CRPPA: variants seen among roughly 807,000 people sequenced by gnomAD.
CRPPA encodes D-ribitol-5-phosphate cytidylyltransferase.
In CRPPA, 43 loss-of-function variants were observed where a neutral mutation model predicts 52.0. The observed-to-expected ratio is 0.83, with a 90% CI of 0.65 to 1.07. The LOEUF is 1.07. Ranked by LOEUF, CRPPA falls within the 50% of genes least tolerant of loss-of-function variation. The pLI, the probability that CRPPA is intolerant of heterozygous loss-of-function variation, is 0.00. For synonymous variants in CRPPA, 250 were observed against 203.5 expected (o/e 1.23, Z -1.94); for missense variants, 629 against 551.7 (o/e 1.14, Z -1.40).
intron 5 of CRPPA, among the ~76,000 whole-genome samples, chr7:16,278,852 G>C (rs1007852837): frequency 6.6e-6 from 1 of 152,144 alleles, no homozygotes; most frequent in Non-Finnish European, 1.5e-5. Context: ...GGAAACCCTG[G>C]ATGCATTCTT....
At chr7:16,342,991 G>A (rs1174499964) in intron 3 of CRPPA, among the ~76,000 whole-genome samples, 1 of 151,286 alleles carries the variant, frequency 6.6e-6, no homozygotes, top group East Asian at 1.9e-4. Flanking sequence ...AGTAAGCCAA[G>A]ATGATGCCAC....
chr7:16,394,671 T>C (rs1408134562), intron 2 of CRPPA, among the ~76,000 whole-genome samples: 1 of 152,170 alleles, frequency 6.6e-6, no homozygotes, highest in African/African-American at 2.4e-5. Context: ...AAACCATCCA[T>C]ATTTCAGATA....
chr7:16,176,885 T>C (rs537218222), intron 9 of CRPPA, among the ~76,000 whole-genome samples: 1 of 152,322 alleles, frequency 6.6e-6, no homozygotes, highest in East Asian at 1.9e-4. Context: ...GTATTATTTA[T>C]AGTCACAAAA....
intron 3 of CRPPA, among the ~76,000 whole-genome samples, chr7:16,346,429 A>G: frequency 6.6e-6 from 1 of 152,166 alleles, no homozygotes; most frequent in Non-Finnish European, 1.5e-5. Context: ...TGAGAAAAAG[A>G]TGCGGTCAGT....
intron 6 of CRPPA, among the ~76,000 whole-genome samples, chr7:16,272,222 T>C (rs1731489995): frequency 6.6e-6 from 1 of 152,128 alleles, no homozygotes; most frequent in Non-Finnish European, 1.5e-5. Context: ...TGCCTGTGAA[T>C]GGGGGGAGTA....
intron 2 of CRPPA, among the ~76,000 whole-genome samples, chr7:16,404,859 G>C (rs1787914002): frequency 6.6e-6 from 1 of 152,178 alleles, no homozygotes; most frequent in East Asian, 1.9e-4. Flanking sequence ...CCAGGGGAAA[G>C]TTTTGTGGTC....
chr7:16,136,931 C>A (rs138336388), intron 9 of CRPPA, among the ~76,000 whole-genome samples: 34 of 152,250 alleles, frequency 2.2e-4, no homozygotes, highest in Admixed American at 1.5e-3. Flanking sequence ...AAGTTTAAAC[C>A]CATTAAGATA....
chr7:16,398,091 A>C (rs1017218522), intron 2 of CRPPA, among the ~76,000 whole-genome samples: 11 of 151,880 alleles, frequency 7.2e-5, no homozygotes, highest in Admixed American at 7.2e-4. Flanking sequence ...GTGAACAATA[A>C]CATTATTGAC....
chr7:16,107,695 G>A (rs543304474), intron 9 of CRPPA, among the ~76,000 whole-genome samples: 1 of 151,930 alleles, frequency 6.6e-6, no homozygotes, highest in African/African-American at 2.4e-5. Context: ...AATTGTATAA[G>A]TAAAACAGTC....
chr7:16,400,026 A>T (rs6948660), intron 2 of CRPPA, among the ~76,000 whole-genome samples: 1 of 152,080 alleles, frequency 6.6e-6, no homozygotes, highest in South Asian at 2.1e-4. Flanking sequence ...GAATGACATG[A>T]TTAGTACGTG....
intron 8 of CRPPA, among the ~76,000 whole-genome samples, chr7:16,229,150 T>C (rs1782726257): frequency 6.6e-6 from 1 of 152,034 alleles, no homozygotes; most frequent in African/African-American, 2.4e-5. Flanking sequence ...TTTCTATCCC[T>C]TCACTTTCAG....
In CRPPA at chr7:16,091,817, A is replaced by G. The variant is rs1466107684; in HGVS notation, c.1252-18T>C. On this transcript the variant is annotated intron_variant, in intron 9 of 9. Coordinates refer to ENST00000407010, the MANE Select transcript of CRPPA (RefSeq NM_001101426.4). The stretch of plus-strand genomic sequence containing the variant: ...TGATCATCCTGAAAAGAAAGGATAA[A>G]CCAGTAATATTTTAGAAAAAACATA... 3 of 1,373,590 alleles carry G rather than the reference A, an allele frequency of 2.2e-6. No homozygotes were observed. The highest frequency in any genetic ancestry group is 2.0e-4 in the Middle Eastern group (1 of 5,064). The allele number at this position is 1,373,590 out of a possible 1,614,324, so 85.1% of individuals were successfully genotyped here. A position where few individuals can be genotyped will look rare whatever the true frequency, so the allele number is the denominator to read the frequency against.
chr7:16,160,456 T>C (rs1397214627), intron 9 of CRPPA, among the ~76,000 whole-genome samples: 2 of 152,218 alleles, frequency 1.3e-5, no homozygotes, highest in African/African-American at 4.8e-5. Context: ...TTTCTCAGGT[T>C]TGTCAAAGAT....
intron 5 of CRPPA, among the ~76,000 whole-genome samples, chr7:16,295,820 C>A (rs561460835): frequency 1.3e-5 from 2 of 152,238 alleles, no homozygotes; most frequent in South Asian, 4.1e-4. Context: ...TGGGCTCAAC[C>A]AGCTTGGGCA....
intron 9 of CRPPA, among the ~76,000 whole-genome samples, chr7:16,181,773 C>A (rs935977703): frequency 1.3e-5 from 2 of 151,904 alleles, no homozygotes; most frequent in East Asian, 1.9e-4. Flanking sequence ...CTCTAAGACA[C>A]TTTTATGCTT....
In CRPPA at chr7:16,405,944, G is replaced by A. The variant is rs546387751; in HGVS notation, c.534+117C>T. The A allele has an allele frequency of 1.8e-5, 16 of 904,850 alleles. No homozygotes were observed. In the African/African-American group the frequency reaches 2.5e-4, roughly 14 times the overall value. 56.1% of individuals were successfully genotyped at this position (904,850 alleles called of 1,614,324 possible). A position where few individuals can be genotyped will look rare whatever the true frequency, so the allele number is the denominator to read the frequency against. ...ACAACAAATCACCATAACATCTTTA[G>A]GTCATCATGCACATTTTAAATAATT... On this transcript the variant is annotated intron_variant, in intron 2 of 9. Transcript: ENST00000407010.
chr7:16,276,649 T>C (rs1389536502), intron 6 of CRPPA: 2 of 152,202 alleles, frequency 1.3e-5, no homozygotes, highest in Admixed American at 6.5e-5. Context: ...AGAGCATCTA[T>C]TGGAGGATTA....
At chr7:16,170,295 A>G (rs1583405431) in intron 9 of CRPPA, among the ~76,000 whole-genome samples, 1 of 152,166 alleles carries the variant, frequency 6.6e-6, no homozygotes, top group Non-Finnish European at 1.5e-5. Flanking sequence ...AAATATTGGA[A>G]CCCAGTGTGT....
chr7:16,196,903 A>G (rs1781749727), intron 9 of CRPPA, among the ~76,000 whole-genome samples: 1 of 152,154 alleles, frequency 6.6e-6, no homozygotes, highest in African/African-American at 2.4e-5. Context: ...AATGAGGTAT[A>G]TTATTTTCAT....
Sources: gnomAD v4.1 joint callset for allele counts (sites outside exome capture counted in the v4.1 genomes callset) on GRCh38, gnomAD v4.1.1 for gene constraint, MANE v1.5 for transcripts, NCBI Gene and HGNC (gene_info 2026-07-23, HGNC 2026-07-21) for gene names.